Variants in KIF9 observed in about 807,000 individuals in gnomAD.
KIF9 encodes the protein kinesin family member 9.
In KIF9, 68 loss-of-function variants were observed where a neutral mutation model predicts 94.8. The ratio of observed to expected loss-of-function variants is 0.72; its 90% confidence interval spans 0.59 to 0.88. The LOEUF (loss-of-function observed/expected upper bound fraction) is 0.88. KIF9 is among the 40% of genes least tolerant of loss of function. KIF9 has a pLI of 0.00. For synonymous variants in KIF9, 343 were observed against 362.1 expected, an observed-to-expected ratio of 0.95 and a Z score of 0.60; for missense variants, 882 against 982.5, an observed-to-expected ratio of 0.90 and a Z score of 1.37.
At position 47,270,436 on chromosome 3, in the gene KIF9, G is replaced by T. The variant is rs535562880; in HGVS notation, c.591+801C>A. Among the ~76,000 whole-genome samples the T allele has an allele frequency of 2.6e-4, 39 of 150,690 alleles. 1 individual carries two copies. The highest frequency in any genetic ancestry group is 1.7e-3 in the Admixed American group (25 of 15,078). The stretch of plus-strand genomic sequence containing the variant: ...ACCCAGCTTATTTTTTGTATTTTTA[G>T]TAGAGATGGGGTTTCACTATGTTGG... On this transcript the variant is annotated intron_variant, in intron 5 of 20. Transcript: ENST00000684063.
At chr3:47,276,924 A>G (rs983485131) in intron 2 of KIF9, among the ~76,000 whole-genome samples, 1 of 151,640 alleles carries the variant, frequency 6.6e-6, no homozygotes, top group Admixed American at 6.6e-5. Flanking sequence ...GCTAAACAGT[A>G]ATGAACTCAA....
chr3:47,281,728 C>T lies in KIF9; in HGVS notation c.-6+767G>A, dbSNP rs540485628. Among the ~76,000 whole-genome samples the T allele has an allele frequency of 1.1e-4, 17 of 152,312 alleles. No homozygotes were observed. The South Asian group carries it at 3.5e-3, about 32-fold the overall frequency. The stretch of plus-strand genomic sequence containing the variant: ...CTTTGATATTTCTGGTATAACAAAG[C>T]AAGTCTCTGAATGGCCACCAGGAGA... On this transcript the variant is annotated intron_variant, in intron 1 of 20. Coordinates refer to ENST00000684063, the MANE Select transcript of KIF9 (RefSeq NM_182902.4).
chr3:47,247,918 T>C (rs763167187), intron 11 of KIF9, 100 bp downstream of exon 11: 47 of 756,844 alleles, frequency 6.2e-5, no homozygotes, highest in Non-Finnish European at 7.9e-5. Context: ...CCGCCCACCA[T>C]TGGCCTTGAC....
At chr3:47,268,033 G>A (rs929085093) in intron 5 of KIF9, among the ~76,000 whole-genome samples, 16 of 151,884 alleles carry the variant, frequency 1.1e-4, no homozygotes, top group African/African-American at 3.9e-4. Flanking sequence ...TACCACACCT[G>A]GCTAATTTTT....
chr3:47,250,302 C>T (rs1012139227), intron 10 of KIF9, among the ~76,000 whole-genome samples: 1 of 152,130 alleles, frequency 6.6e-6, no homozygotes, highest in African/African-American at 2.4e-5. Context: ...TAAATAGCCA[C>T]ATTTGAGTAG....
intron 12 of KIF9, among the ~76,000 whole-genome samples, chr3:47,246,962 C>A (rs1039255757): frequency 2.0e-5 from 3 of 152,150 alleles, no homozygotes; most frequent in African/African-American, 7.2e-5. Flanking sequence ...CCAACATGGG[C>A]CCTGGGGTCT....
intron 10 of KIF9, among the ~76,000 whole-genome samples, chr3:47,252,105 C>A (rs2107295917): frequency 1.3e-5 from 2 of 152,310 alleles, no homozygotes; most frequent in South Asian, 4.1e-4. Flanking sequence ...CTGAAAATGA[C>A]CTGAGAATAC....
intron 3 of KIF9, 180 bp downstream of exon 3, chr3:47,275,145 T>C (rs1231483781): frequency 8.7e-6 from 5 of 574,564 alleles, no homozygotes; most frequent in Non-Finnish European, 1.2e-5. Context: ...TCCCAGGACA[T>C]TGGATCAAGC....
At chr3:47,232,994 A>C (rs1291533785) in intron 20 of KIF9, among the ~76,000 whole-genome samples, 1 of 151,192 alleles carries the variant, frequency 6.6e-6, no homozygotes, top group Non-Finnish European at 1.5e-5. Context: ...AAAAAAAAAA[A>C]AACAAAAACC....
rs6773120 is a variant in KIF9, at chr3:47,281,210, A to T, written c.-6+1285T>A. 7.8e-4 allele frequency: 461 copies of T among 589,396 alleles called. 1 individual carries two copies. The highest frequency in any genetic ancestry group is 7.4e-3 in the African/African-American group (397 of 53,970). 36.5% of individuals were successfully genotyped at this position (589,396 alleles called of 1,614,324 possible). On this transcript the variant is annotated intron_variant, in intron 1 of 20. Transcript: ENST00000684063. ...TTCAGTCACTACTGAGAGAGTCCCA[A>T]GGGGCATATGATGTCACTCCCCTTC...
At position 47,236,090 on chromosome 3, in the gene KIF9, T is replaced by C; in HGVS notation, c.2161A>G (p.Lys721Glu). Residue 721 changes from lysine (K) to glutamate (E), a missense_variant, in exon 19 of 21, where the codon AAG becomes GAG. By Grantham distance (56) the Lys-to-Glu change is moderately conservative. Coordinates refer to ENST00000684063, the MANE Select transcript of KIF9 (RefSeq NM_182902.4). ...CCTGGCCGGATGCTGCCGCCTGGCTTCAGTGCCATCTGCATGTCCTCAGGG... is the reference window on the plus strand; with the variant it reads ...CCTGGCCGGATGCTGCCGCCTGGCTCCAGTGCCATCTGCATGTCCTCAGGG... The part of the protein sequence containing the change: ...VIPEDMQMAL[K>E]PGGSIRPGMV... 6.2e-7 allele frequency: 1 copy of C among 1,614,180 alleles called. No homozygotes were observed. The highest frequency in any genetic ancestry group is 8.5e-7 in the Non-Finnish European group (1 of 1,180,022).
intron 5 of KIF9, among the ~76,000 whole-genome samples, chr3:47,270,590 G>A (rs1386670445): frequency 6.6e-6 from 1 of 150,808 alleles, no homozygotes; most frequent in Non-Finnish European, 1.5e-5. Context: ...TAATTTAACT[G>A]AAAAAAGGGA....
Position 47,267,263 on chromosome 3 carries a change from C to T in KIF9, c.592G>A (p.Gly198Ser). Residue 198 changes from glycine (G) to serine (S), a missense_variant and splice_region_variant, in exon 6 of 21, where the codon GGT (glycine) becomes AGT (serine). Transcript: ENST00000684063. The part of the protein sequence containing the change: ...EEDAFSLLFE[G>S]ETNRIIASHT... ...GAGGCTATAATCCTGTTGGTCTCACCCTGAAGAGGAAGGGAATCATAGGCA... is the reference window on the plus strand; with the variant it reads ...GAGGCTATAATCCTGTTGGTCTCACTCTGAAGAGGAAGGGAATCATAGGCA... 3 of 1,609,278 alleles carry T rather than the reference C, an allele frequency of 1.9e-6. No individual in the cohort carries two copies. The highest frequency in any genetic ancestry group is 2.6e-6 in the Non-Finnish European group (3 of 1,175,808).
Position 47,245,153 on chromosome 3 carries a change from C to T in KIF9, c.1381-229G>A, listed in dbSNP as rs1027330646. On this transcript the variant is annotated intron_variant, in intron 14 of 20. Transcript: ENST00000684063. ...CCCCTCACCAGTATGGCACCTCATT[C>T]CATACTCTGGGGATCTTAAAGCTTA... The T allele has an allele frequency of 8.2e-5, 50 of 610,930 alleles. No individual in the cohort carries two copies. The African/African-American group carries it at 9.1e-4, about 11-fold the overall frequency. The allele number at this position is 610,930 out of a possible 1,614,324, so 37.8% of individuals were successfully genotyped here.
At chr3:47,277,203 T>C (rs1380184233) in intron 2 of KIF9, 79 bp downstream of exon 2, 3 of 1,051,670 alleles carry the variant, frequency 2.9e-6, no homozygotes, top group African/African-American at 1.6e-5. Flanking sequence ...CCTTCAAAGG[T>C]TGCTTGGAAA....
At chr3:47,273,447 T>C in intron 4 of KIF9, 105 bp downstream of exon 4, 1 of 820,594 alleles carries the variant, frequency 1.2e-6, no homozygotes, top group South Asian at 1.7e-5. Context: ...GCAACTCCTT[T>C]GAGGCCTGGT....
At position 47,282,728 on chromosome 3, in the gene KIF9, C is replaced by T; in HGVS notation, c.-239G>A. The stretch of plus-strand genomic sequence containing the variant: ...GATGGGGCCGATTGATCTAGAAAGA[C>T]TTCGGCGGATGCACATGCGAAGTCA... On this transcript the variant is annotated 5_prime_UTR_variant, in exon 1 of 21. Transcript: ENST00000684063. 1 of 1,411,668 alleles carries T rather than the reference C, an allele frequency of 7.1e-7. No homozygotes were observed. The highest frequency in any genetic ancestry group is 9.2e-7 in the Non-Finnish European group (1 of 1,084,388). 87.4% of individuals were successfully genotyped at this position (1,411,668 alleles called of 1,614,324 possible).
Position 47,271,406 on chromosome 3 carries a change from T to G in KIF9, c.422A>C (p.Tyr141Ser). 1 of 1,613,888 alleles carries G rather than the reference T, an allele frequency of 6.2e-7. No individual in the cohort carries two copies. Among genetic ancestry groups the G allele is most frequent in the Non-Finnish European group, 8.5e-7 (1 of 1,179,968 alleles). The change falls in exon 5 of 21, where the codon TAC becomes TCC. Residue 141 changes from tyrosine (Y) to serine (S), a missense_variant. Tyr to Ser is a moderately radical substitution (Grantham distance 144). Coordinates refer to ENST00000684063, the MANE Select transcript of KIF9 (RefSeq NM_182902.4). ...PTHAITVRVSYLEIYNESLFD... is the reference protein window; with the variant it reads ...PTHAITVRVSSLEIYNESLFD... ...CAGGCTCTCATTATAGATTTCCAAG[T>G]AGGAAACACGCACAGTGATGGCATG...
chr3:47,254,113 G>A (rs186137885), intron 10 of KIF9, among the ~76,000 whole-genome samples: 6 of 152,314 alleles, frequency 3.9e-5, no homozygotes, highest in Admixed American at 3.9e-4. Flanking sequence ...CTTTGAGCAT[G>A]GATTGTGTTA....
Sources: gnomAD v4.1 joint callset for allele counts (sites outside exome capture counted in the v4.1 genomes callset) on GRCh38, gnomAD v4.1.1 for gene constraint, MANE v1.5 for transcripts, NCBI Gene and HGNC (gene_info 2026-07-23, HGNC 2026-07-21) for gene names.